OPRD1: variants seen among roughly 807,000 people sequenced by gnomAD.
The protein encoded by OPRD1 is opioid receptor delta 1.
A neutral mutation model predicts 17.5 loss-of-function variants in OPRD1; 19 were observed. That is an observed-to-expected ratio of 1.09 (90% CI 0.76 to 1.60). The LOEUF (loss-of-function observed/expected upper bound fraction) is 1.60, where lower values mean the gene tolerates loss of function less well. Ranked by LOEUF, OPRD1 falls within the 40% of genes most tolerant of loss-of-function variation. The pLI is 0.00. For missense variants in OPRD1, 483 were observed against 547.2 expected (o/e 0.88, Z 1.17); for synonymous variants, 256 against 240.9 (o/e 1.06, Z -0.58).
At position 28,865,774 on chromosome 1, in the gene OPRD1, C is replaced by T. The variant is rs971618198; in HGVS notation, c.*2491C>T. The T allele has an allele frequency of 6.6e-6, 1 of 152,160 alleles. No homozygotes were observed. Among genetic ancestry groups the T allele is most frequent in the Non-Finnish European group, 1.5e-5 (1 of 68,054 alleles). 9.4% of individuals were successfully genotyped at this position (152,160 alleles called of 1,614,324 possible). A position where few individuals can be genotyped will look rare whatever the true frequency, so the allele number is the denominator to read the frequency against. ...CAGCATGGCAGGAGACACTTCTCCT[C>T]ATCAGGGGTCCTCCTGTGAATGCTT... On this transcript the variant is annotated 3_prime_UTR_variant, in exon 3 of 3. Coordinates refer to ENST00000234961, the MANE Select transcript of OPRD1 (RefSeq NM_000911.4).
At chr1:28,853,147 T>C (rs2089022949) in intron 1 of OPRD1, among the ~76,000 whole-genome samples, 1 of 152,372 alleles carries the variant, frequency 6.6e-6, no homozygotes, top group South Asian at 2.1e-4. Context: ...ACATTACTAG[T>C]GTTCACTAAT....
chr1:28,851,823 C>G (rs1188103703), intron 1 of OPRD1, among the ~76,000 whole-genome samples: 1 of 136,802 alleles, frequency 7.3e-6, no homozygotes, highest in African/African-American at 2.8e-5. Context: ...CCATTGCACT[C>G]CAGCCTGGGC....
At chr1:28,823,667 TA>T (rs1339260191) in intron 1 of OPRD1, among the ~76,000 whole-genome samples, 1 of 152,012 alleles carries the variant, frequency 6.6e-6, no homozygotes, top group African/African-American at 2.4e-5. Context: ...GTGCTGGGAT[TA>T]CAGGCGTGAG....
intron 1 of OPRD1, among the ~76,000 whole-genome samples, chr1:28,818,757 G>T (rs1232830578): frequency 1.3e-5 from 2 of 152,174 alleles, no homozygotes; most frequent in Non-Finnish European, 2.9e-5. Context: ...GTAGCCCCAG[G>T]TAATTGGAGG....
chr1:28,864,757 C>T lies in OPRD1; in HGVS notation c.*1474C>T, dbSNP rs919098738. On this transcript the variant is annotated 3_prime_UTR_variant, in exon 3 of 3. Coordinates refer to ENST00000234961, the MANE Select transcript of OPRD1 (RefSeq NM_000911.4). Reference sequence around the variant, plus strand: ...AAGTGGTGCCTGGGACTCTTGAGGGCGGGGGGCGGGGTATGAGAAGCATCA... The same window carrying T: ...AAGTGGTGCCTGGGACTCTTGAGGGTGGGGGGCGGGGTATGAGAAGCATCA... 1.2e-4 allele frequency: 13 copies of T among 108,504 alleles called. No individual in the cohort carries two copies. The highest frequency in any genetic ancestry group is 2.0e-4 in the Non-Finnish European group (11 of 54,892). 6.7% of individuals were successfully genotyped at this position (108,504 alleles called of 1,614,324 possible).
Position 28,844,377 on chromosome 1 carries a change from A to G in OPRD1, c.228-14577A>G, listed in dbSNP as rs151206186. ...GTAATCATGGCTCACTGCAGCCTCG[A>G]CCTCCAGGACTCAAGCGATTCTCCC... On this transcript the variant is annotated intron_variant, in intron 1 of 2. Coordinates refer to ENST00000234961, the MANE Select transcript of OPRD1 (RefSeq NM_000911.4). Among the ~76,000 whole-genome samples, 413 of 151,918 alleles carry G rather than the reference A, an allele frequency of 2.7e-3. 1 individual carries two copies. Among genetic ancestry groups the G allele is most frequent in the Non-Finnish European group, 4.1e-3 (280 of 67,964 alleles).
intron 1 of OPRD1, among the ~76,000 whole-genome samples, chr1:28,846,842 TTTCTTTTCTTTCTTTCTTTC>T (rs1173819130): frequency 9.9e-5 from 7 of 70,634 alleles, no homozygotes; most frequent in African/African-American, 4.0e-4. Flanking sequence ...TCTTTCTTTC[TTTCTTTTCTTTCTTTCTTTC>T]TTTCTTTCTT....
chr1:28,812,620 C>T lies in OPRD1; in HGVS notation c.227+10C>T, dbSNP rs907256682. 1 of 1,494,758 alleles carries T rather than the reference C, an allele frequency of 6.7e-7. No individual in the cohort carries two copies. Among genetic ancestry groups the T allele is most frequent in the Non-Finnish European group, 8.9e-7 (1 of 1,123,154 alleles). The allele number at this position is 1,494,758 out of a possible 1,614,324, so 92.6% of individuals were successfully genotyped here. A position where few individuals can be genotyped will look rare whatever the true frequency, so the allele number is the denominator to read the frequency against. On this transcript the variant is annotated intron_variant, in intron 1 of 2. Coordinates refer to ENST00000234961, the MANE Select transcript of OPRD1 (RefSeq NM_000911.4). Reference sequence around the variant, plus strand: ...TGTTCGGCATCGTCCGGTGAGTCCGCTGCGGGCCGGCGCCGCAGGGCTGGA... The same window carrying T: ...TGTTCGGCATCGTCCGGTGAGTCCGTTGCGGGCCGGCGCCGCAGGGCTGGA...
Position 28,870,225 on chromosome 1 carries a change from C to T in OPRD1, c.*6942C>T, listed in dbSNP as rs1274546169. The T allele has an allele frequency of 6.6e-6, 1 of 151,202 alleles. No individual in the cohort carries two copies. The highest frequency in any genetic ancestry group is 1.5e-5 in the Non-Finnish European group (1 of 67,814). 9.4% of individuals were successfully genotyped at this position (151,202 alleles called of 1,614,324 possible). On this transcript the variant is annotated 3_prime_UTR_variant, in exon 3 of 3. Transcript: ENST00000234961. The stretch of plus-strand genomic sequence containing the variant: ...GTTTTAGGCCATGCCTGCACCAACC[C>T]ATGCTTCTTTTTTTTTTTCTTTCTT...
At chr1:28,853,557 AT>A (rs1176159677) in intron 1 of OPRD1, among the ~76,000 whole-genome samples, 1 of 152,234 alleles carries the variant, frequency 6.6e-6, no homozygotes, top group Non-Finnish European at 1.5e-5. Context: ...ACGTAAGCAT[AT>A]TCTTTAGAAT....
intron 1 of OPRD1, among the ~76,000 whole-genome samples, chr1:28,837,015 T>G (rs773088115): frequency 3.9e-5 from 6 of 152,198 alleles, no homozygotes; most frequent in African/African-American, 1.4e-4. Flanking sequence ...TACATCATAA[T>G]ATATAATGAA....
At chr1:28,814,356 G>A (rs1160320122) in intron 1 of OPRD1, among the ~76,000 whole-genome samples, 1 of 152,174 alleles carries the variant, frequency 6.6e-6, no homozygotes, top group Non-Finnish European at 1.5e-5. Flanking sequence ...AGCACATAAC[G>A]CACTGGCCTG....
At chr1:28,818,561 C>T (rs74332469) in intron 1 of OPRD1, among the ~76,000 whole-genome samples, 46 of 152,252 alleles carry the variant, frequency 3.0e-4, no homozygotes, top group East Asian at 7.7e-4. Flanking sequence ...ACCAATTCAC[C>T]GAGGCTGAGA....
rs575097053 is a variant in OPRD1, at chr1:28,858,325, A to G, written c.228-629A>G. 9.3e-4 allele frequency among the ~76,000 whole-genome samples: 139 copies of G among 150,050 alleles called. 1 individual carries two copies. Among genetic ancestry groups the G allele is most frequent in the African/African-American group, 2.5e-3 (101 of 40,776 alleles). On this transcript the variant is annotated intron_variant, in intron 1 of 2. Transcript: ENST00000234961. ...GAGAGGGGGTTTCACCGTGTTAGCC[A>G]GGATGGTCTCGATCTCCTGACCTCG...
chr1:28,863,127 C>A lies in OPRD1; in HGVS notation c.963C>A (p.Leu321=). 1.2e-6 allele frequency: 2 copies of A among 1,609,772 alleles called. No individual in the cohort carries two copies. The highest frequency in any genetic ancestry group is 8.5e-7 in the Non-Finnish European group (1 of 1,179,236). Residue 321 remains leucine, a synonymous_variant, in exon 3 of 3, where the codon CTC becomes CTA. Transcript: ENST00000234961. ...SSLNPVLYAF[L]DENFKRCFRQ... The stretch of plus-strand genomic sequence containing the variant: ...TCAACCCCGTGCTCTACGCTTTCCT[C>A]GACGAGAACTTCAAGCGCTGCTTCC...
At chr1:28,816,988 C>T (rs1037911371) in intron 1 of OPRD1, among the ~76,000 whole-genome samples, 2 of 152,158 alleles carry the variant, frequency 1.3e-5, no homozygotes, top group African/African-American at 4.8e-5. Context: ...CCTGTCTGTT[C>T]CACAGCCTTC....
At position 28,843,242 on chromosome 1, in the gene OPRD1, A is replaced by G. The variant is rs972024011; in HGVS notation, c.228-15712A>G. On this transcript the variant is annotated intron_variant, in intron 1 of 2. Transcript: ENST00000234961. ...CCAAGCTTAGAAAATAAACACAGCGACAGCTCTTGATTACCGCCTTTTTTA... is the reference window on the plus strand; with the variant it reads ...CCAAGCTTAGAAAATAAACACAGCGGCAGCTCTTGATTACCGCCTTTTTTA... Among the ~76,000 whole-genome samples the G allele has an allele frequency of 1.4e-4, 21 of 152,200 alleles. 1 individual carries two copies. The highest frequency in any genetic ancestry group is 1.1e-3 in the Admixed American group (17 of 15,268).
intron 1 of OPRD1, among the ~76,000 whole-genome samples, chr1:28,841,493 G>C (rs2088896049): frequency 1.3e-5 from 2 of 152,198 alleles, no homozygotes; most frequent in African/African-American, 4.8e-5. Flanking sequence ...TGTTTTGGGT[G>C]AGCATCTAAC....
chr1:28,853,769 T>G (rs993232556), intron 1 of OPRD1, among the ~76,000 whole-genome samples: 13 of 151,090 alleles, frequency 8.6e-5, no homozygotes, highest in Non-Finnish European at 1.6e-4. Context: ...TTTTTTGAGA[T>G]AGGGTTTCAC....
Sources: allele counts gnomAD v4.1 joint callset (sites outside exome capture counted in the v4.1 genomes callset), GRCh38; gene constraint gnomAD v4.1.1; transcripts MANE v1.5; gene names NCBI Gene and HGNC (gene_info 2026-07-23, HGNC 2026-07-21).